Variants in TYMS observed in about 807,000 individuals in gnomAD.
The protein encoded by TYMS is thymidylate synthase.
Under a neutral mutation model 39.3 loss-of-function variants are expected in TYMS, and 21 were observed. The ratio of observed to expected loss-of-function variants is 0.54; its 90% confidence interval spans 0.38 to 0.77. The LOEUF (loss-of-function observed/expected upper bound fraction) is 0.77, where lower values mean the gene tolerates loss of function less well. Ranked by LOEUF, TYMS falls within the 30% of genes least tolerant of loss-of-function variation. The pLI is 0.00. For missense variants in TYMS, 273 were observed against 406.7 expected, an observed-to-expected ratio of 0.67 and a Z score of 2.83; for synonymous variants, 171 against 162.2, an observed-to-expected ratio of 1.05 and a Z score of -0.41.
intron 4 of TYMS, 192 bp downstream of exon 4, chr18:669,365 GAT>G: frequency 4.1e-5 from 14 of 340,412 alleles, no homozygotes; most frequent in South Asian, 1.2e-4. Flanking sequence ...GGGCCCAGAG[GAT>G]TTTTTTTTTT....
At position 658,255 on chromosome 18, in the gene TYMS, C is replaced by T; in HGVS notation, c.205+308C>T. On this transcript the variant is annotated intron_variant, in intron 1 of 6. Coordinates refer to ENST00000323274, the MANE Select transcript of TYMS (RefSeq NM_001071.4). The surrounding 1 kb of genome is among the most constrained non-coding windows in gnomAD (Gnocchi z 4.5). ...CCCCGAGGCGGGCGTCATCGGGCAG[C>T]GTTTGCCCAGTGCTGGAGGGTTAGG... The T allele has an allele frequency of 6.8e-7, 1 of 1,468,498 alleles. No individual in the cohort carries two copies. The highest frequency in any genetic ancestry group is 9.1e-7 in the Non-Finnish European group (1 of 1,093,766). The allele number at this position is 1,468,498 out of a possible 1,614,324, so 91.0% of individuals were successfully genotyped here. A position where few individuals can be genotyped will look rare whatever the true frequency, so the allele number is the denominator to read the frequency against.
In TYMS at chr18:658,001, G is replaced by C. The variant is rs73366471; in HGVS notation, c.205+54G>C. On this transcript the variant is annotated intron_variant, in intron 1 of 6. Coordinates refer to ENST00000323274, the MANE Select transcript of TYMS (RefSeq NM_001071.4). The surrounding 1 kb of genome is among the most constrained non-coding windows in gnomAD (Gnocchi z 4.5). Reference sequence around the variant, plus strand: ...TGGCGGGAAGGAGGGAGGCGCGGCTGGGGAGAGCGCTCGGGAGCTGCCGGG... The same window carrying C: ...TGGCGGGAAGGAGGGAGGCGCGGCTCGGGAGAGCGCTCGGGAGCTGCCGGG... 5.3e-6 allele frequency: 8 copies of C among 1,521,584 alleles called. No homozygotes were observed. Among genetic ancestry groups the C allele is most frequent in the Non-Finnish European group, 7.0e-6 (8 of 1,136,472 alleles). The allele number at this position is 1,521,584 out of a possible 1,614,324, so 94.3% of individuals were successfully genotyped here.
At position 670,739 on chromosome 18, in the gene TYMS, T is replaced by G; in HGVS notation, c.604T>G (p.Tyr202Asp). The change falls in exon 5 of 7, where the codon TAT becomes GAT. Residue 202 changes from tyrosine (Y) to aspartate (D), a missense_variant. Tyr to Asp is a radical substitution (Grantham distance 160). This residue lies in a region of TYMS where 228 missense variants were observed against 326.1 expected (regional missense o/e 0.70). Transcript: ENST00000323274. ...TCCATGCCATGCCCTCTGCCAGTTCTATGTGGTGAACAGTGAGCTGTCCTG... is the reference window on the plus strand; with the variant it reads ...TCCATGCCATGCCCTCTGCCAGTTCGATGTGGTGAACAGTGAGCTGTCCTG... ...LPPCHALCQF[Y>D]VVNSELSCQL... 6.2e-7 allele frequency: 1 copy of G among 1,614,224 alleles called. No individual in the cohort carries two copies. The highest frequency in any genetic ancestry group is 8.5e-7 in the Non-Finnish European group (1 of 1,180,040).
intron 6 of TYMS, 129 bp from the exon 7 acceptor site, chr18:672,731 C>T (rs2075124941): frequency 4.8e-6 from 5 of 1,044,656 alleles, no homozygotes; most frequent in Non-Finnish European, 6.8e-6. Context: ...GGCAAGGTAT[C>T]GACAGGATCA....
rs1322824373 is a variant in TYMS, at chr18:666,924, T to TG, written c.455-2146dup. ...ATGGAGATGGTGATGGTGATGGAGA[T>TG]GGTGATGGTGATGGAGATGGTGATG... On this transcript the variant is annotated intron_variant, in intron 3 of 6. Transcript: ENST00000323274. Among the ~76,000 whole-genome samples the TG allele has an allele frequency of 7.7e-5, 5 of 65,230 alleles. 1 individual carries two copies. The highest frequency in any genetic ancestry group is 1.5e-4 in the African/African-American group (3 of 19,662). 42.8% of individuals were successfully genotyped at this position (65,230 alleles called of 152,430 possible).
chr18:668,622 G>A (rs758047641), intron 3 of TYMS, among the ~76,000 whole-genome samples: 21 of 152,190 alleles, frequency 1.4e-4, no homozygotes, highest in African/African-American at 4.8e-4. Context: ...GAAAGTATAT[G>A]GAATACTATA....
intron 4 of TYMS, among the ~76,000 whole-genome samples, chr18:669,736 A>G (rs977766630): frequency 1.3e-5 from 2 of 151,290 alleles, no homozygotes; most frequent in Non-Finnish European, 3.0e-5. Flanking sequence ...AAATGGAAGC[A>G]GATGAAGTTC....
chr18:659,369 T>C (rs2074732669), intron 1 of TYMS, among the ~76,000 whole-genome samples: 1 of 152,154 alleles, frequency 6.6e-6, no homozygotes, highest in Non-Finnish European at 1.5e-5. Context: ...TTTTGCCACA[T>C]GTTCATCCCT....
At chr18:668,973 G>T in intron 3 of TYMS, 99 bp from the exon 4 acceptor site, 1 of 973,318 alleles carries the variant, frequency 1.0e-6, no homozygotes, top group Non-Finnish European at 1.5e-6. Context: ...GTCAAGGGGG[G>T]ACCCTGGGTA....
chr18:657,672 CG>C lies in TYMS; in HGVS notation c.-70del, dbSNP rs1365622604. The C allele has an allele frequency of 1.2e-4, 44 of 369,104 alleles. No individual in the cohort carries two copies. Among genetic ancestry groups the C allele is most frequent in the Non-Finnish European group, 1.5e-4 (39 of 268,816 alleles). 22.9% of individuals were successfully genotyped at this position (369,104 alleles called of 1,614,324 possible). A position where few individuals can be genotyped will look rare whatever the true frequency, so the allele number is the denominator to read the frequency against. ...CGCGCCACTTGGCCTGCCTCCGTCC[CG>C]CCGCGCCACTTGGCCTGCCTCCGTC... is the stretch of plus-strand genomic sequence containing the variant. On this transcript the variant is annotated 5_prime_UTR_variant, in exon 1 of 7. Transcript: ENST00000323274.
At chr18:670,042 CTTATTT>C (rs2144346975) in intron 4 of TYMS, among the ~76,000 whole-genome samples, 1 of 128,612 alleles carries the variant, frequency 7.8e-6, no homozygotes, top group East Asian at 2.9e-4. Context: ...GTAATAGAGA[CTTATTT>C]TTTTTTTTTT....
Position 667,424 on chromosome 18 carries a change from T to A in TYMS, c.455-1648T>A, listed in dbSNP as rs370168519. On this transcript the variant is annotated intron_variant, in intron 3 of 6. Transcript: ENST00000323274. ...GTGATGGTGATGGTGATGGTGATGG[T>A]GATGGAGATGGTGATGGTGATGGTG... Among the ~76,000 whole-genome samples the A allele has an allele frequency of 7.4e-3, 21 of 2,850 alleles. 3 individuals carry two copies. Among genetic ancestry groups the A allele is most frequent in the Non-Finnish European group, 0.015 (21 of 1,402 alleles). 1.9% of individuals were successfully genotyped at this position (2,850 alleles called of 152,430 possible).
Position 659,827 on chromosome 18 carries a change from C to T in TYMS, c.279+113C>T, listed in dbSNP as rs991833145. On this transcript the variant is annotated intron_variant, in intron 2 of 6. Transcript: ENST00000323274. ...GTGGTGGCTCACGCCTGTAATCCCA[C>T]CACTTTGGGAGGCTGAGTCAGATCA... is the stretch of plus-strand genomic sequence containing the variant. 14 of 956,784 alleles carry T rather than the reference C, an allele frequency of 1.5e-5. No homozygotes were observed. In the African/African-American group the frequency reaches 2.1e-4, roughly 14 times the overall value. 59.3% of individuals were successfully genotyped at this position (956,784 alleles called of 1,614,324 possible).
At chr18:670,989 G>A in intron 5 of TYMS, 122 bp downstream of exon 5, 1 of 1,243,282 alleles carries the variant, frequency 8.0e-7, no homozygotes, top group Non-Finnish European at 1.1e-6. Flanking sequence ...ATATGTGTAA[G>A]TAAGAAATGA....
At chr18:671,057 C>T (rs2853535) in intron 5 of TYMS, 190 bp downstream of exon 5, 242,704 of 667,460 alleles carry the variant, frequency 0.36, 47,890 homozygotes, top group East Asian at 0.66. Context: ...CTGTGGTATA[C>T]GCACTAACAG....
intron 4 of TYMS, chr18:669,397 G>A: frequency 2.5e-6 from 1 of 407,722 alleles, no homozygotes; most frequent in Non-Finnish European, 4.4e-6. Flanking sequence ...TTTTGAGACA[G>A]AGTTTTGCTC....
rs551390018 is a variant in TYMS, at chr18:658,027, C to T, written c.205+80C>T. On this transcript the variant is annotated intron_variant, in intron 1 of 6. Transcript: ENST00000323274. This position sits in a 1 kb window ranked among gnomAD's most constrained non-coding sequence, Gnocchi z 4.5. ...GGGAGAGCGCTCGGGAGCTGCCGGG[C>T]GCTGCGGACCCCGTTTAGTCCTAAC... The T allele has an allele frequency of 4.5e-5, 69 of 1,534,470 alleles. No homozygotes were observed. The South Asian group carries it at 6.6e-4, about 15-fold the overall frequency.
At chr18:668,847 G>GA (rs1209041345) in intron 3 of TYMS, among the ~76,000 whole-genome samples, 2 of 152,180 alleles carry the variant, frequency 1.3e-5, no homozygotes, top group South Asian at 4.2e-4. Flanking sequence ...TGTAGAAGAG[G>GA]AAAAAGACTT....
chr18:660,735 C>G lies in TYMS; in HGVS notation c.279+1021C>G, dbSNP rs757578560. Among the ~76,000 whole-genome samples, 29 of 152,172 alleles carry G rather than the reference C, an allele frequency of 1.9e-4. 1 individual carries two copies. Among genetic ancestry groups the G allele is most frequent in the Admixed American group, 9.2e-4 (14 of 15,268 alleles). On this transcript the variant is annotated intron_variant, in intron 2 of 6. Coordinates refer to ENST00000323274, the MANE Select transcript of TYMS (RefSeq NM_001071.4). The surrounding 1 kb of genome is among the most constrained non-coding windows in gnomAD (Gnocchi z 4.6). Reference sequence around the variant, plus strand: ...GCCCAGACCAAGCTTCTCTGTGTTCCGTGTCCTGGTCTAGAACCAGCGATG... The same window carrying G: ...GCCCAGACCAAGCTTCTCTGTGTTCGGTGTCCTGGTCTAGAACCAGCGATG...
Sources: allele counts gnomAD v4.1 joint callset (sites outside exome capture counted in the v4.1 genomes callset), GRCh38; gene constraint gnomAD v4.1.1; regional missense constraint gnomAD v4.1.1; non-coding constraint Gnocchi (gnomAD v3.1); transcripts MANE v1.5; gene names NCBI Gene and HGNC (gene_info 2026-07-23, HGNC 2026-07-21).